TEX11: variants seen among roughly 807,000 people sequenced by gnomAD.
The protein encoded by TEX11 is testis expressed 11.
A neutral mutation model predicts 84.4 loss-of-function variants in TEX11; 7 were observed. The observed-to-expected ratio is 0.08, with a 90% CI of 0.05 to 0.16. TEX11 has a LOEUF of 0.16. Among genes scored for constraint, TEX11 ranks in the 10% least tolerant of loss-of-function variants. TEX11 has a pLI of 1.00. For missense variants in TEX11, 551 were observed against 660.5 expected, an observed-to-expected ratio of 0.83 and a Z score of 1.82; for synonymous variants, 264 against 222.8, an observed-to-expected ratio of 1.18 and a Z score of -1.64.
intron 11 of TEX11, among the ~76,000 whole-genome samples, chrX:70,727,090 T>C (rs770573063): frequency 8.2e-4 from 91 of 111,565 alleles, no homozygotes; most frequent in Non-Finnish European, 1.5e-3. Flanking sequence ...AGATAAGTAT[T>C]GTGAATCTTG....
chrX:70,734,382 C>A (rs1053716146), intron 11 of TEX11, among the ~76,000 whole-genome samples: 9 of 111,202 alleles, frequency 8.1e-5, no homozygotes, highest in Non-Finnish European at 5.7e-5. Context: ...TATTGCCTAG[C>A]AAATTGTATG....
chrX:70,737,683 ACC>A (rs61404791), intron 11 of TEX11, among the ~76,000 whole-genome samples: 29 of 101,767 alleles, frequency 2.8e-4, no homozygotes, highest in Middle Eastern at 5.0e-3. Flanking sequence ...TATTTAAAAT[ACC>A]CCCCCCCCAA....
intron 25 of TEX11, among the ~76,000 whole-genome samples, chrX:70,565,132 G>C (rs2088443847): frequency 1.8e-5 from 2 of 110,042 alleles, no homozygotes; most frequent in African/African-American, 6.6e-5. Flanking sequence ...TTGTGGTTTT[G>C]ATTTGCATTT....
At chrX:70,847,730 G>C (rs1028956595) in intron 7 of TEX11, among the ~76,000 whole-genome samples, 3 of 110,118 alleles carry the variant, frequency 2.7e-5, no homozygotes, top group Non-Finnish European at 3.8e-5. Context: ...TTCTCACAGA[G>C]ATAGGGTCTA....
At chrX:70,676,289 C>A (rs2090071230) in intron 15 of TEX11, among the ~76,000 whole-genome samples, 1 of 112,300 alleles carries the variant, frequency 8.9e-6, no homozygotes, top group Admixed American at 9.4e-5. Context: ...GAAGAGCTGC[C>A]ATACTGTTTT....
intron 9 of TEX11, among the ~76,000 whole-genome samples, chrX:70,746,635 G>A (rs898174385): frequency 2.2e-4 from 25 of 112,247 alleles, no homozygotes; most frequent in African/African-American, 8.1e-4. Context: ...TTCCTGAGGG[G>A]AATGATGTAT....
intron 9 of TEX11, among the ~76,000 whole-genome samples, chrX:70,792,392 G>C (rs1245951030): frequency 1.4e-5 from 1 of 69,830 alleles, no homozygotes; most frequent in Non-Finnish European, 2.6e-5. Context: ...TGCAGCAAAA[G>C]CAGTGTTAAG....
intron 24 of TEX11, among the ~76,000 whole-genome samples, chrX:70,594,812 T>C (rs75212395): frequency 9.0e-6 from 1 of 111,398 alleles, no homozygotes; most frequent in East Asian, 2.8e-4. Flanking sequence ...TTCACTCGGC[T>C]TTCATTCTCT....
chrX:70,601,739 T>A (rs1461392509), intron 24 of TEX11, among the ~76,000 whole-genome samples: 1 of 97,377 alleles, frequency 1.0e-5, no homozygotes. Context: ...GTGATGACTC[T>A]TAACGAGCAT....
chrX:70,692,042 A>C (rs998273324), intron 13 of TEX11, among the ~76,000 whole-genome samples: 2 of 111,897 alleles, frequency 1.8e-5, no homozygotes, highest in African/African-American at 6.5e-5. Context: ...TGAAAATAAA[A>C]GTTTGGAAAA....
intron 2 of TEX11, among the ~76,000 whole-genome samples, chrX:70,905,585 C>A (rs1209608338): frequency 9.0e-6 from 1 of 111,272 alleles, no homozygotes; most frequent in East Asian, 2.8e-4. Flanking sequence ...CTGTTAAACT[C>A]TCAGAAACAC....
intron 7 of TEX11, among the ~76,000 whole-genome samples, chrX:70,852,523 A>G (rs1363611499): frequency 1.8e-5 from 2 of 112,338 alleles, no homozygotes; most frequent in African/African-American, 6.5e-5. Context: ...GCGTAATAAC[A>G]GAAAGCAAAC....
intron 20 of TEX11, among the ~76,000 whole-genome samples, chrX:70,614,292 C>T (rs1044880575): frequency 1.8e-5 from 2 of 111,038 alleles, no homozygotes; most frequent in Non-Finnish European, 3.8e-5. Context: ...CTGGACCTGC[C>T]TTGGGCCAGA....
At chrX:70,869,604 T>A (rs1014895542) in intron 4 of TEX11, among the ~76,000 whole-genome samples, 11 of 111,615 alleles carry the variant, frequency 9.9e-5, no homozygotes, top group African/African-American at 3.3e-4. Flanking sequence ...TGGCAAAACC[T>A]GTATCTACAA....
At position 70,552,130 on chromosome X, in the gene TEX11, C is replaced by A. The variant is rs780146584; in HGVS notation, c.2516G>T (p.Arg839Leu). The change falls in exon 28 of 30, where the codon CGC (arginine) becomes CTC (leucine). Residue 839 changes from arginine (R) to leucine (L), a missense_variant. Physicochemically the swap from Arg to Leu is moderately radical, Grantham distance 102 (BLOSUM62 -2). Transcript: ENST00000374333. ...YFEDALSHIS[R>L]TKDYPEMEIL... ...TAATATCACTATTTGACTTACAGTGCGGCTAATGTGGCTCAGAGCATCTTC... is the reference window on the plus strand; with the variant it reads ...TAATATCACTATTTGACTTACAGTGAGGCTAATGTGGCTCAGAGCATCTTC... 4.1e-6 allele frequency: 5 copies of A among 1,208,415 alleles called. No homozygotes were observed. Among genetic ancestry groups the A allele is most frequent in the Non-Finnish European group, 5.6e-6 (5 of 894,258 alleles).
At chrX:70,560,413 G>C (rs896260977) in intron 25 of TEX11, among the ~76,000 whole-genome samples, 3 of 110,805 alleles carry the variant, frequency 2.7e-5, no homozygotes, top group Admixed American at 9.6e-5. Flanking sequence ...GCCTCCCAAA[G>C]TGCTGGGATT....
chrX:70,600,296 T>G (rs1314873068), intron 24 of TEX11, among the ~76,000 whole-genome samples: 2 of 111,731 alleles, frequency 1.8e-5, no homozygotes, highest in East Asian at 5.6e-4. Flanking sequence ...TTTCGTGTGT[T>G]TTTTGGCTGC....
intron 9 of TEX11, among the ~76,000 whole-genome samples, chrX:70,754,349 G>A (rs150576959): frequency 0.02 from 2,204 of 111,575 alleles, 18 homozygotes; most frequent in Middle Eastern, 0.097. Flanking sequence ...ACAAGGTGAG[G>A]TTCCTCTGCC....
chrX:70,736,352 A>C (rs958889201), intron 11 of TEX11, among the ~76,000 whole-genome samples: 1 of 111,330 alleles, frequency 9.0e-6, no homozygotes, highest in African/African-American at 3.3e-5. Context: ...ACTAATTACA[A>C]CTAAGAACTC....
Sources: allele counts gnomAD v4.1 joint callset (sites outside exome capture counted in the v4.1 genomes callset), GRCh38; gene constraint gnomAD v4.1.1; transcripts MANE v1.5; gene names NCBI Gene and HGNC (gene_info 2026-07-23, HGNC 2026-07-21).